Variants in CDK5RAP3 observed in about 807,000 individuals in gnomAD.
CDK5RAP3 encodes the protein CDK5 regulatory subunit-associated protein 3.
Under a neutral mutation model 73.3 loss-of-function variants are expected in CDK5RAP3, and 58 were observed. That is an observed-to-expected ratio of 0.79 (90% CI 0.64 to 0.98). The LOEUF (loss-of-function observed/expected upper bound fraction) is 0.98. Ranked by LOEUF, CDK5RAP3 falls within the 50% of genes least tolerant of loss-of-function variation. CDK5RAP3 has a pLI of 0.00. For synonymous variants in CDK5RAP3, 224 were observed against 247.5 expected, an observed-to-expected ratio of 0.91 and a Z score of 0.89; for missense variants, 525 against 615.8, an observed-to-expected ratio of 0.85 and a Z score of 1.56.
Position 47,981,217 on chromosome 17 carries a change from G to T in CDK5RAP3, c.1338G>T (p.Leu446=), listed in dbSNP as rs2036545502. 1.2e-6 allele frequency: 2 copies of T among 1,614,260 alleles called. No homozygotes were observed. Residue 446 remains leucine, a synonymous_variant, in exon 13 of 14, where the codon CTG becomes CTT. Coordinates refer to ENST00000338399, the MANE Select transcript of CDK5RAP3 (RefSeq NM_176096.3). ...FLQQKLKQSQ[L]LALKKELMVQ... ...AGCAAAAGCTGAAGCAGTCCCAGCT[G>T]CTGGCTTTGAAGAAAGAGCTGATGG...
rs371663744 is a variant in CDK5RAP3 at position 47,978,888 on chromosome 17, C to T, written c.1048C>T (p.Arg350Trp). ...ALTLLEYTET[R>W]NQFLDELMEL... ...GACACTGCTTGAATACACTGAGACC[C>T]GGAATCAGTTCCTTGATGAGCTCAT... is the stretch of plus-strand genomic sequence containing the variant. The change falls in exon 11 of 14, where the codon CGG becomes TGG. Residue 350 changes from arginine (R) to tryptophan (W), a missense_variant. Around this residue, in one of 2 missense-constraint regions of CDK5RAP3, gnomAD observed 116 missense variants for 186.1 expected, o/e 0.62. Coordinates refer to ENST00000338399, the MANE Select transcript of CDK5RAP3 (RefSeq NM_176096.3). 2.0e-5 allele frequency: 32 copies of T among 1,613,752 alleles called. No homozygotes were observed. Among genetic ancestry groups the T allele is most frequent in the African/African-American group, 1.9e-4 (14 of 74,976 alleles).
Position 47,975,889 on chromosome 17 carries a change from C to A in CDK5RAP3, c.674C>A (p.Pro225Gln), listed in dbSNP as rs1263446667. The change falls in exon 8 of 14, where the codon CCA (proline) becomes CAA (glutamine). Residue 225 changes from proline (P) to glutamine (Q), a missense_variant. This residue lies in a region of CDK5RAP3 where 409 missense variants were observed against 429.8 expected (regional missense o/e 0.95). Transcript: ENST00000338399. ...VCESPTEQVL[P>Q]MLRFVQKRGN... is the part of the protein sequence containing the mutation. The stretch of plus-strand genomic sequence containing the variant: ...TGAAGCCCCACAGAGCAGGTGTTGC[C>A]AATGCTGCGGTTCGTGCAGAAGCGG... The A allele has an allele frequency of 1.1e-5, 18 of 1,614,068 alleles. No homozygotes were observed. The highest frequency in any genetic ancestry group is 1.4e-5 in the Non-Finnish European group (17 of 1,180,056).
At chr17:47,971,788 GGA>G (rs1429195373) in intron 2 of CDK5RAP3, among the ~76,000 whole-genome samples, 2 of 152,016 alleles carry the variant, frequency 1.3e-5, no homozygotes, top group African/African-American at 4.8e-5. Flanking sequence ...TGACCAACAT[GGA>G]GAAACCTTGT....
chr17:47,974,118 G>C, intron 4 of CDK5RAP3, 87 bp downstream of exon 4: 2 of 904,642 alleles, frequency 2.2e-6, no homozygotes, highest in Non-Finnish European at 3.7e-6. Context: ...TGAGGCTCCA[G>C]TGGGGATGCC....
upstream of CDK5RAP3, among the ~76,000 whole-genome samples, chr17:47,969,580 A>AAAAAAAAAAAAAAAAAAAGAAAAG (rs1567720961): frequency 7.6e-6 from 1 of 131,326 alleles, no homozygotes; most frequent in African/African-American, 2.9e-5. Context: ...AAAAAAAAAA[A>AAAAAAAAAAAAAAAAAAAGAAAAG]AAAAGAAAAG....
At chr17:47,974,691 G>C in intron 5 of CDK5RAP3, 1 of 1,357,736 alleles carries the variant, frequency 7.4e-7, no homozygotes, top group African/African-American at 1.5e-5. Context: ...GCGAGCAGGT[G>C]TGTGTGGGTC....
chr17:47,970,959 C>T, upstream of CDK5RAP3: 2 of 1,456,098 alleles, frequency 1.4e-6, no homozygotes, highest in African/African-American at 1.4e-5. Context: ...CTCAGCCATT[C>T]GGAGCCTGGG....
intron 12 of CDK5RAP3, 34 bp downstream of exon 12, chr17:47,980,832 C>A (rs898841162): frequency 7.5e-6 from 12 of 1,595,592 alleles, no homozygotes; most frequent in Non-Finnish European, 9.5e-6. Flanking sequence ...GCTCTGCCAT[C>A]TTGAGCAGCT....
At chr17:47,968,495 GT>G (rs2036211738), upstream of CDK5RAP3, among the ~76,000 whole-genome samples, 1 of 150,882 alleles carries the variant, frequency 6.6e-6, no homozygotes, top group Admixed American at 6.6e-5. Context: ...GATGGTTTTT[GT>G]TTTTGTTTGT....
chr17:47,980,641 G>C lies in CDK5RAP3; in HGVS notation c.1126G>C (p.Asp376His), dbSNP rs781346386. 4 of 1,613,922 alleles carry C rather than the reference G, an allele frequency of 2.5e-6. No individual in the cohort carries two copies. The Admixed American group carries it at 6.7e-5, about 27-fold the overall frequency. ...QRAVELSEEADVLSVSQFQLA... is the reference protein window; with the variant it reads ...QRAVELSEEAHVLSVSQFQLA... Reference sequence around the variant, plus strand: ...AGCAGTGGAGTTGAGTGAGGAGGCAGATGTCCTGTCTGTGAGCCAGTTCCA... The same window carrying C: ...AGCAGTGGAGTTGAGTGAGGAGGCACATGTCCTGTCTGTGAGCCAGTTCCA... Residue 376 changes from aspartate to histidine, a missense_variant, in exon 12 of 14, where the codon GAT becomes CAT. Coordinates refer to ENST00000338399, the MANE Select transcript of CDK5RAP3 (RefSeq NM_176096.3).
At chr17:47,977,333 T>G (rs992090975) in intron 9 of CDK5RAP3, among the ~76,000 whole-genome samples, 1 of 152,008 alleles carries the variant, frequency 6.6e-6, no homozygotes, top group Non-Finnish European at 1.5e-5. Flanking sequence ...GTATTTTTAG[T>G]AGAGATGGGG....
intron 4 of CDK5RAP3, 144 bp from the exon 5 acceptor site, chr17:47,974,256 A>G: frequency 1.2e-6 from 1 of 836,874 alleles, no homozygotes; most frequent in Non-Finnish European, 2.0e-6. Context: ...TGGGTGGTCC[A>G]GCCAGCAGAG....
chr17:47,975,720 C>G (rs1371703600), intron 7 of CDK5RAP3, 67 bp downstream of exon 7: 1 of 1,565,746 alleles, frequency 6.4e-7, no homozygotes, highest in Non-Finnish European at 8.6e-7. Context: ...TGACCCTTCT[C>G]CAGTTGTCTT....
intron 2 of CDK5RAP3, among the ~76,000 whole-genome samples, chr17:47,972,402 T>G (rs1433698398): frequency 6.6e-6 from 1 of 152,232 alleles, no homozygotes; most frequent in South Asian, 2.1e-4. Flanking sequence ...AACAGAATTT[T>G]TCTTTCTGAA....
chr17:47,978,359 C>T (rs112679504), intron 10 of CDK5RAP3, among the ~76,000 whole-genome samples: 69 of 152,022 alleles, frequency 4.5e-4, no homozygotes, highest in Non-Finnish European at 8.5e-4. Context: ...TGTGAGCCAC[C>T]GTGCCTGGCC....
At chr17:47,974,065 T>C (rs2036335245) in intron 4 of CDK5RAP3, 34 bp downstream of exon 4, 28 of 1,452,444 alleles carry the variant, frequency 1.9e-5, no homozygotes, top group Non-Finnish European at 2.7e-5. Context: ...AGTATGTGGT[T>C]GGGGACATCC....
intron 1 of CDK5RAP3, 82 bp from the exon 2 acceptor site, chr17:47,971,280 G>A (rs2036256182): frequency 6.5e-7 from 1 of 1,548,156 alleles, no homozygotes; most frequent in African/African-American, 1.4e-5. Context: ...GCAGGGTGGT[G>A]GTTGGGACGT....
At chr17:47,976,880 T>G in intron 9 of CDK5RAP3, 58 bp downstream of exon 9, 2 of 1,125,528 alleles carry the variant, frequency 1.8e-6, no homozygotes. Context: ...ATAAGAAAAG[T>G]GTCATTTGTG....
At position 47,975,162 on chromosome 17, in the gene CDK5RAP3, A is replaced by G. The variant is rs2036369264; in HGVS notation, c.338A>G (p.Glu113Gly). ...LYEKDNTYLV[E>G]LSSLLVRNVN... is the part of the protein sequence containing the mutation. ...GAATTTCCTGGGCACTTCTCAGTGG[A>G]ACTCTCTAGCCTCCTGGTTCGGAAT... Residue 113 changes from glutamate to glycine, a missense_variant, in exon 6 of 14, where the codon GAA becomes GGA. Glu to Gly is a moderately conservative substitution (Grantham distance 98). Coordinates refer to ENST00000338399, the MANE Select transcript of CDK5RAP3 (RefSeq NM_176096.3). 5 of 1,614,042 alleles carry G rather than the reference A, an allele frequency of 3.1e-6. No individual in the cohort carries two copies. Among genetic ancestry groups the G allele is most frequent in the Non-Finnish European group, 4.2e-6 (5 of 1,180,010 alleles).
Sources: gnomAD v4.1 joint callset for allele counts (sites outside exome capture counted in the v4.1 genomes callset) on GRCh38, gnomAD v4.1.1 for gene constraint, gnomAD v4.1.1 regional missense constraint, MANE v1.5 for transcripts, NCBI Gene and HGNC (gene_info 2026-07-23, HGNC 2026-07-21) for gene names.